The following NR6A1 variants were observed in gnomAD, a reference collection of about 807,000 sequenced individuals.
NR6A1 encodes retinoic acid receptor-related testis-associated receptor.
NR6A1 carries 7 observed loss-of-function variants against 59.1 expected under a neutral mutation model. That is an observed-to-expected ratio of 0.12 (90% CI 0.07 to 0.22). The LOEUF is 0.22. Among genes scored for constraint, NR6A1 ranks in the 10% least tolerant of loss-of-function variants. The pLI is 1.00. For missense variants in NR6A1, 468 were observed against 611.6 expected, an observed-to-expected ratio of 0.77 and a Z score of 2.48; for synonymous variants, 243 against 236.1, an observed-to-expected ratio of 1.03 and a Z score of -0.27.
At chr9:124,695,730 C>T (rs1025863957) in intron 2 of NR6A1, among the ~76,000 whole-genome samples, 1 of 152,082 alleles carries the variant, frequency 6.6e-6, no homozygotes, top group South Asian at 2.1e-4. Context: ...AGGTACTCCA[C>T]GCAGTCTTGT....
intron 4 of NR6A1, among the ~76,000 whole-genome samples, chr9:124,543,413 C>T (rs75128860): frequency 0.011 from 1,674 of 152,244 alleles, 29 homozygotes; most frequent in African/African-American, 0.038. Flanking sequence ...TCCTACTCTA[C>T]AATAAGACAA....
chr9:124,568,343 C>T (rs1413718825), intron 2 of NR6A1, among the ~76,000 whole-genome samples: 4 of 151,310 alleles, frequency 2.6e-5, no homozygotes, highest in African/African-American at 4.9e-5. Flanking sequence ...AAAAATGAGC[C>T]GGGTGTGTGA....
At chr9:124,741,259 T>C (rs1026752068) in intron 1 of NR6A1, among the ~76,000 whole-genome samples, 2 of 152,048 alleles carry the variant, frequency 1.3e-5, no homozygotes, top group Admixed American at 6.5e-5. Context: ...CTTTGTAAAT[T>C]TGTCACACCA....
intron 2 of NR6A1, among the ~76,000 whole-genome samples, chr9:124,618,690 A>G (rs1026280980): frequency 1.3e-5 from 2 of 152,180 alleles, no homozygotes; most frequent in Non-Finnish European, 2.9e-5. Context: ...GGTCTAGGGA[A>G]ATACCACATC....
chr9:124,718,334 T>C (rs745842087), intron 2 of NR6A1, among the ~76,000 whole-genome samples: 6 of 152,236 alleles, frequency 3.9e-5, no homozygotes, highest in Non-Finnish European at 8.8e-5. Flanking sequence ...TTCTGATGGC[T>C]TTACTAGTGA....
intron 2 of NR6A1, among the ~76,000 whole-genome samples, chr9:124,724,060 T>C (rs1350618666): frequency 6.6e-6 from 1 of 152,214 alleles, no homozygotes; most frequent in Non-Finnish European, 1.5e-5. Flanking sequence ...AAATAAATCA[T>C]GATAAAGCTA....
At chr9:124,701,453 T>C (rs1422065963) in intron 2 of NR6A1, among the ~76,000 whole-genome samples, 1 of 152,214 alleles carries the variant, frequency 6.6e-6, no homozygotes, top group Non-Finnish European at 1.5e-5. Context: ...TTCAATGGCA[T>C]TAAATTCACA....
At chr9:124,655,262 A>G (rs1215400867) in intron 2 of NR6A1, among the ~76,000 whole-genome samples, 7 of 152,272 alleles carry the variant, frequency 4.6e-5, no homozygotes, top group African/African-American at 1.4e-4. Flanking sequence ...CCTCTAACAT[A>G]ATGGCTCTTG....
chr9:124,621,243 TAC>T (rs1332222670), intron 2 of NR6A1, among the ~76,000 whole-genome samples: 1 of 152,224 alleles, frequency 6.6e-6, no homozygotes, highest in African/African-American at 2.4e-5. Flanking sequence ...TTTTGTTCCT[TAC>T]ACAGTCTGGC....
chr9:124,554,506 G>T lies in NR6A1; in HGVS notation c.207C>A (p.Gly69=). ...TCLICGDRAT[G]LHYGIISCEG... ...CACAGGAGATGATCCCATAGTGCAAGCCTGTAGCGCGGTCCCCACAAATGA... is the reference window on the plus strand; with the variant it reads ...CACAGGAGATGATCCCATAGTGCAATCCTGTAGCGCGGTCCCCACAAATGA... Residue 69 remains glycine, a synonymous_variant, in exon 3 of 10, where the codon GGC becomes GGA. Coordinates refer to ENST00000487099, the MANE Select transcript of NR6A1 (RefSeq NM_033334.4). 1 of 1,614,220 alleles carries T rather than the reference G, an allele frequency of 6.2e-7. No individual in the cohort carries two copies. The highest frequency in any genetic ancestry group is 8.5e-7 in the Non-Finnish European group (1 of 1,180,038).
At chr9:124,596,794 G>T (rs138810949) in intron 2 of NR6A1, among the ~76,000 whole-genome samples, 64 of 152,294 alleles carry the variant, frequency 4.2e-4, no homozygotes, top group African/African-American at 1.5e-3. Context: ...TTGGAGCCAC[G>T]TGCTAATGGC....
intron 2 of NR6A1, chr9:124,658,414 T>G (rs907155977): frequency 1.6e-4 from 24 of 152,226 alleles, no homozygotes; most frequent in Non-Finnish European, 1.5e-5. Flanking sequence ...TCATATATAG[T>G]TCAATGCGAG....
intron 2 of NR6A1, among the ~76,000 whole-genome samples, chr9:124,699,021 TTAAGTTCAGC>T (rs1209274536): frequency 4.6e-4 from 70 of 152,286 alleles, no homozygotes; most frequent in Non-Finnish European, 1.3e-4. Flanking sequence ...AAATCTGAAT[TTAAGTTCAGC>T]TAAGTTCAGC....
chr9:124,742,165 A>G (rs1300650747), intron 1 of NR6A1, among the ~76,000 whole-genome samples: 2 of 152,330 alleles, frequency 1.3e-5, no homozygotes, highest in African/African-American at 2.4e-5. Context: ...GACTGAAAAT[A>G]TATGTACACC....
chr9:124,731,490 G>C (rs897721854), intron 2 of NR6A1, among the ~76,000 whole-genome samples: 1 of 151,980 alleles, frequency 6.6e-6, no homozygotes, highest in African/African-American at 2.4e-5. Context: ...CGAATAACAC[G>C]TTTCAACTAC....
chr9:124,724,534 C>CA (rs778956782), intron 2 of NR6A1, among the ~76,000 whole-genome samples: 1,902 of 127,028 alleles, frequency 0.015, 15 homozygotes, highest in Middle Eastern at 0.032. Context: ...TAGCACATAC[C>CA]AAAAAAAAAA....
At chr9:124,579,031 C>T (rs765068070) in intron 2 of NR6A1, among the ~76,000 whole-genome samples, 10 of 152,206 alleles carry the variant, frequency 6.6e-5, no homozygotes, top group Non-Finnish European at 1.0e-4. Flanking sequence ...CCTGTAATCC[C>T]GGCACTTTGG....
chr9:124,567,839 T>C, intron 2 of NR6A1, among the ~76,000 whole-genome samples: 1 of 144,180 alleles, frequency 6.9e-6, no homozygotes, highest in Non-Finnish European at 1.5e-5. Flanking sequence ...TGCTTTTTTT[T>C]TTTTTTTTTT....
At chr9:124,604,686 T>C (rs1464245201) in intron 2 of NR6A1, among the ~76,000 whole-genome samples, 3 of 152,054 alleles carry the variant, frequency 2.0e-5, no homozygotes, top group Non-Finnish European at 2.9e-5. Context: ...GGTGCACGCC[T>C]GTGGTCCCAG....
Sources: gnomAD v4.1 joint callset for allele counts (sites outside exome capture counted in the v4.1 genomes callset) on GRCh38, gnomAD v4.1.1 for gene constraint, MANE v1.5 for transcripts, NCBI Gene and HGNC (gene_info 2026-07-23, HGNC 2026-07-21) for gene names.